The following NEDD4L variants were observed in gnomAD, a reference collection of about 807,000 sequenced individuals.
NEDD4L encodes E3 ubiquitin-protein ligase NEDD4-like.
NEDD4L carries 54 observed loss-of-function variants against 148.9 expected under a neutral mutation model. The ratio of observed to expected loss-of-function variants is 0.36; its 90% CI spans 0.29 to 0.45. NEDD4L has a LOEUF of 0.45. Ranked by LOEUF, NEDD4L falls within the 20% of genes least tolerant of loss-of-function variation. NEDD4L has a pLI of 1.00. For missense variants in NEDD4L, 856 were observed against 1,233.8 expected (o/e 0.69, Z 4.59); for synonymous variants, 433 against 440.7 (o/e 0.98, Z 0.22).
intron 2 of NEDD4L, among the ~76,000 whole-genome samples, chr18:58,214,158 T>G (rs1401182634): frequency 7.4e-6 from 1 of 135,132 alleles, no homozygotes; most frequent in Non-Finnish European, 1.7e-5. Context: ...TCCTGATAAA[T>G]CACCTGATCG....
chr18:58,352,794 G>A (rs1252730593), intron 18 of NEDD4L, among the ~76,000 whole-genome samples: 1 of 152,224 alleles, frequency 6.6e-6, no homozygotes, highest in Admixed American at 6.5e-5. Context: ...GACGCATGGA[G>A]AGCATTGCAC....
intron 5 of NEDD4L, among the ~76,000 whole-genome samples, chr18:58,312,147 T>G (rs751886016): frequency 3.3e-5 from 5 of 152,230 alleles, no homozygotes; most frequent in South Asian, 2.1e-4. Context: ...TTTCAGGGGC[T>G]CCATTCTACA....
chr18:58,297,293 G>C (rs114817770), intron 5 of NEDD4L, among the ~76,000 whole-genome samples: 2,300 of 152,200 alleles, frequency 0.015, 59 homozygotes, highest in African/African-American at 0.053. Flanking sequence ...AACAAGGATG[G>C]GGCAGCTTAT....
At chr18:58,163,427 A>G (rs1240471710) in intron 1 of NEDD4L, among the ~76,000 whole-genome samples, 1 of 152,260 alleles carries the variant, frequency 6.6e-6, no homozygotes, top group Non-Finnish European at 1.5e-5. Flanking sequence ...TGGGCAGAGC[A>G]GTCCCTGCAG....
intron 5 of NEDD4L, among the ~76,000 whole-genome samples, chr18:58,301,572 G>T (rs1023944140): frequency 3.5e-4 from 54 of 152,124 alleles, no homozygotes; most frequent in African/African-American, 1.3e-3. Flanking sequence ...TAATGCATTG[G>T]ATTATAAACT....
intron 2 of NEDD4L, among the ~76,000 whole-genome samples, chr18:58,199,453 G>A (rs902393598): frequency 2.0e-5 from 3 of 152,106 alleles, no homozygotes; most frequent in African/African-American, 7.2e-5. Context: ...CTGACACACA[G>A]CCTAAAGCGT....
intron 1 of NEDD4L, among the ~76,000 whole-genome samples, chr18:58,115,229 T>TTTTA (rs1555695944): frequency 6.7e-6 from 1 of 149,010 alleles, no homozygotes; most frequent in Non-Finnish European, 1.5e-5. Flanking sequence ...TTCTTTTTTC[T>TTTTA]TTTCTTTCTT....
At chr18:58,190,918 G>T (rs1000519122) in intron 2 of NEDD4L, among the ~76,000 whole-genome samples, 1 of 152,160 alleles carries the variant, frequency 6.6e-6, no homozygotes, top group Non-Finnish European at 1.5e-5. Flanking sequence ...CCTGAACATA[G>T]CGAGTGACGT....
At chr18:58,084,954 C>G (rs2083679552) in intron 1 of NEDD4L, among the ~76,000 whole-genome samples, 1 of 151,954 alleles carries the variant, frequency 6.6e-6, no homozygotes, top group South Asian at 2.1e-4. Flanking sequence ...CTCAGCCCCC[C>G]AACATGCTAG....
At chr18:58,128,433 T>C (rs2031521956) in intron 1 of NEDD4L, among the ~76,000 whole-genome samples, 2 of 152,172 alleles carry the variant, frequency 1.3e-5, no homozygotes, top group Non-Finnish European at 2.9e-5. Context: ...TGGCTGGGAA[T>C]TGGTATGTCC....
intron 1 of NEDD4L, among the ~76,000 whole-genome samples, chr18:58,147,442 A>G (rs935108516): frequency 1.3e-5 from 2 of 152,136 alleles, no homozygotes; most frequent in Non-Finnish European, 2.9e-5. Flanking sequence ...AAGCTATGTT[A>G]TTGGAACACA....
chr18:58,121,530 A>G (rs1352145758), intron 1 of NEDD4L, among the ~76,000 whole-genome samples: 2 of 151,826 alleles, frequency 1.3e-5, no homozygotes. Context: ...TCAACTGCCC[A>G]AGTAGTTAGA....
intron 15 of NEDD4L, among the ~76,000 whole-genome samples, chr18:58,342,561 A>G (rs1261831416): frequency 6.6e-6 from 1 of 152,110 alleles, no homozygotes; most frequent in East Asian, 1.9e-4. Context: ...AAACTTGCCA[A>G]TCTGTTCTTC....
chr18:58,258,822 C>T (rs954788089), intron 5 of NEDD4L, among the ~76,000 whole-genome samples: 2 of 152,170 alleles, frequency 1.3e-5, no homozygotes, highest in Admixed American at 1.3e-4. Context: ...CATTCAGCAA[C>T]TTTGTATGCA....
Position 58,252,022 on chromosome 18 carries a change from C to A in NEDD4L, c.265C>A (p.Leu89Ile). 1 of 1,591,710 alleles carries A rather than the reference C, an allele frequency of 6.3e-7. No homozygotes were observed. Among genetic ancestry groups the A allele is most frequent in the Admixed American group, 1.7e-5 (1 of 60,010 alleles). Reference protein sequence around the residue: ...YFRVNPSNHRLLFEVFDENRL... With the variant: ...YFRVNPSNHRILFEVFDENRL... Reference sequence around the variant, plus strand: ...ATAGGTAAACCCATCTAATCACAGACTCCTATTTGAAGTATTTGACGAAAA... The same window carrying A: ...ATAGGTAAACCCATCTAATCACAGAATCCTATTTGAAGTATTTGACGAAAA... Residue 89 changes from leucine to isoleucine, a missense_variant, in exon 5 of 31, where the codon CTC (leucine) becomes ATC (isoleucine). By Grantham distance (5) the Leu-to-Ile change is conservative. Around this residue, in one of 4 missense-constraint regions of NEDD4L, gnomAD observed 193 missense variants for 244.2 expected, o/e 0.79. Coordinates refer to ENST00000400345, the MANE Select transcript of NEDD4L (RefSeq NM_001144967.3).
chr18:58,212,252 A>T (rs2042670077), intron 2 of NEDD4L, among the ~76,000 whole-genome samples: 1 of 152,142 alleles, frequency 6.6e-6, no homozygotes, highest in African/African-American at 2.4e-5. Context: ...TCAGCCTCCC[A>T]TGTAGCTGAG....
intron 5 of NEDD4L, among the ~76,000 whole-genome samples, chr18:58,264,501 A>T (rs1187508877): frequency 1.3e-5 from 2 of 152,090 alleles, no homozygotes. Flanking sequence ...AAAAATTGAT[A>T]CATAATAGTT....
chr18:58,051,960 G>T (rs1272641697), intron 1 of NEDD4L, among the ~76,000 whole-genome samples: 1 of 152,110 alleles, frequency 6.6e-6, no homozygotes, highest in African/African-American at 2.4e-5. Flanking sequence ...TTCATTTTCA[G>T]ACTATAGGTG....
intron 22 of NEDD4L, among the ~76,000 whole-genome samples, chr18:58,370,168 G>C (rs570099549): frequency 6.6e-6 from 1 of 152,274 alleles, no homozygotes; most frequent in East Asian, 1.9e-4. Flanking sequence ...ACCTCCCAGA[G>C]GCCTTTCTGG....
Sources: gnomAD v4.1 joint callset for allele counts (sites outside exome capture counted in the v4.1 genomes callset) on GRCh38, gnomAD v4.1.1 for gene constraint, gnomAD v4.1.1 regional missense constraint, MANE v1.5 for transcripts, NCBI Gene and HGNC (gene_info 2026-07-23, HGNC 2026-07-21) for gene names.